The following ASXL3 variants were observed in gnomAD, a reference collection of about 807,000 sequenced individuals.
ASXL3 encodes putative Polycomb group protein ASXL3.
ASXL3 carries 34 observed loss-of-function variants against 170.6 expected under a neutral mutation model. That is an observed-to-expected ratio of 0.20 (90% confidence interval 0.15 to 0.27). ASXL3 has a LOEUF of 0.27. Among genes scored for constraint, ASXL3 ranks in the 10% least tolerant of loss-of-function variants. The pLI is 1.00. For synonymous variants in ASXL3, 1,002 were observed against 989.1 expected (o/e 1.01, Z -0.24); for missense variants, 2,592 against 2,695.3 (o/e 0.96, Z 0.85).
chr18:33,645,078 A>G, intron 3 of ASXL3, 76 bp downstream of exon 3: 2 of 931,230 alleles, frequency 2.1e-6, no homozygotes, highest in Non-Finnish European at 3.2e-6. Context: ...AAACAAAATT[A>G]GATTTGAAGA....
chr18:33,681,908 A>C (rs556116917), intron 7 of ASXL3, among the ~76,000 whole-genome samples: 2 of 152,238 alleles, frequency 1.3e-5, no homozygotes, highest in East Asian at 3.9e-4. Flanking sequence ...TTAATTACTC[A>C]ATAATTTTTC....
At chr18:33,588,804 G>A (rs2065054629) in intron 1 of ASXL3, among the ~76,000 whole-genome samples, 1 of 151,982 alleles carries the variant, frequency 6.6e-6, no homozygotes, top group South Asian at 2.1e-4. Flanking sequence ...CATTAAAGCT[G>A]AATGCCTTAT....
chr18:33,676,978 G>A (rs1417184163), intron 7 of ASXL3, among the ~76,000 whole-genome samples: 1 of 152,146 alleles, frequency 6.6e-6, no homozygotes, highest in Non-Finnish European at 1.5e-5. Flanking sequence ...TAACTAAAAT[G>A]TAAGTTCCTT....
chr18:33,743,596 A>G lies in ASXL3; in HGVS notation c.3748A>G (p.Lys1250Glu), dbSNP rs752654420. ...CAGCACTGCTATATCGGGAGCAATTAAAGAACATCCCTTTGTGAGTTCTGT... is the reference window on the plus strand; with the variant it reads ...CAGCACTGCTATATCGGGAGCAATTGAAGAACATCCCTTTGTGAGTTCTGT... Reference protein sequence around the residue: ...VCSTAISGAIKEHPFVSSVDK... With the variant: ...VCSTAISGAIEEHPFVSSVDK... The change falls in exon 12 of 12, where the codon AAA becomes GAA. Residue 1250 changes from lysine (K) to glutamate (E), a missense_variant. By Grantham distance (56) the Lys-to-Glu change is moderately conservative (BLOSUM62 1). This residue lies in a region of ASXL3 where 2,246 missense variants were observed against 2,219.6 expected (regional missense o/e 1.01). Coordinates refer to ENST00000269197, the MANE Select transcript of ASXL3 (RefSeq NM_030632.3). 6.2e-7 allele frequency: 1 copy of G among 1,613,326 alleles called. No homozygotes were observed. The highest frequency in any genetic ancestry group is 1.7e-5 in the Admixed American group (1 of 60,024).
At chr18:33,715,771 C>T (rs1157929592) in intron 8 of ASXL3, among the ~76,000 whole-genome samples, 1 of 151,856 alleles carries the variant, frequency 6.6e-6, no homozygotes, top group African/African-American at 2.4e-5. Context: ...TGAGGGGGTA[C>T]ATATCAAAAA....
chr18:33,668,079 A>C (rs1484857357), intron 5 of ASXL3, among the ~76,000 whole-genome samples: 1 of 152,134 alleles, frequency 6.6e-6, no homozygotes, highest in Admixed American at 6.5e-5. Flanking sequence ...CCCAGCAGCT[A>C]GTTAGTTAAA....
chr18:33,683,367 C>T lies in ASXL3; in HGVS notation c.716-38C>T, dbSNP rs752500611. 80 of 1,574,378 alleles carry T rather than the reference C, an allele frequency of 5.1e-5. No homozygotes were observed. In the Admixed American group the frequency reaches 1.4e-3, roughly 28 times the overall value. ...GTACGTACGTACACGTTTCCCTCTA[C>T]CTGTAGTAAATTCATGCCTCTTGCT... On this transcript the variant is annotated intron_variant, in intron 7 of 11. Coordinates refer to ENST00000269197, the MANE Select transcript of ASXL3 (RefSeq NM_030632.3).
chr18:33,592,681 C>T (rs1177406178), intron 1 of ASXL3, among the ~76,000 whole-genome samples: 5 of 152,130 alleles, frequency 3.3e-5, no homozygotes, highest in Non-Finnish European at 7.4e-5. Flanking sequence ...CTGACAGAGT[C>T]AATCTTTATA....
chr18:33,747,361 C>CA lies in ASXL3; in HGVS notation c.*767dup, dbSNP rs2067813111. On this transcript the variant is annotated 3_prime_UTR_variant, in exon 12 of 12. Coordinates refer to ENST00000269197, the MANE Select transcript of ASXL3 (RefSeq NM_030632.3). ...TGAGAGCAATTGGCCAGCCAATAGC[C>CA]ATAAGCCCAGAGGATTTTAGAGCTT... The CA allele has an allele frequency of 6.9e-6, 1 of 145,590 alleles. No individual in the cohort carries two copies. The highest frequency in any genetic ancestry group is 1.5e-5 in the Non-Finnish European group (1 of 67,000). The allele number at this position is 145,590 out of a possible 1,614,324, so 9.0% of individuals were successfully genotyped here.
chr18:33,635,088 A>G (rs2065744708), intron 2 of ASXL3, among the ~76,000 whole-genome samples: 1 of 152,188 alleles, frequency 6.6e-6, no homozygotes, highest in African/African-American at 2.4e-5. Flanking sequence ...AGAGAGAAAC[A>G]TGCTGAGAGG....
chr18:33,670,308 A>G (rs940764445), intron 5 of ASXL3, among the ~76,000 whole-genome samples: 1 of 152,228 alleles, frequency 6.6e-6, no homozygotes, highest in Non-Finnish European at 1.5e-5. Flanking sequence ...GCAGACACAT[A>G]TATTTTTATC....
intron 2 of ASXL3, among the ~76,000 whole-genome samples, chr18:33,633,628 G>C (rs1204237697): frequency 6.6e-6 from 1 of 152,064 alleles, no homozygotes; most frequent in Non-Finnish European, 1.5e-5. Context: ...TGGATCATGA[G>C]GTCGGGAGAT....
chr18:33,597,395 T>C (rs1386695178), intron 1 of ASXL3, among the ~76,000 whole-genome samples: 2 of 152,166 alleles, frequency 1.3e-5, no homozygotes, highest in African/African-American at 4.8e-5. Context: ...TATTTTCTTA[T>C]TTCTTACCTT....
chr18:33,680,724 T>G (rs1599486292), intron 7 of ASXL3, among the ~76,000 whole-genome samples: 1 of 152,000 alleles, frequency 6.6e-6, no homozygotes, highest in Non-Finnish European at 1.5e-5. Context: ...TAATAATATA[T>G]TTTTTTACCT....
chr18:33,660,941 C>T (rs148235853), intron 4 of ASXL3, among the ~76,000 whole-genome samples: 14 of 152,234 alleles, frequency 9.2e-5, no homozygotes, highest in Non-Finnish European at 1.8e-4. Context: ...TCCTAAAAAG[C>T]GGTCTTTTGG....
chr18:33,644,958 A>G lies in ASXL3; in HGVS notation c.202A>G (p.Thr68Ala), dbSNP rs760330440. ...LHTNTRIGDG[T>A]FFKIPGKSGL... Reference sequence around the variant, plus strand: ...CACTAACACTCGAATAGGGGATGGAACATTCTTCAAAATCCCTGGAAAGTC... The same window carrying G: ...CACTAACACTCGAATAGGGGATGGAGCATTCTTCAAAATCCCTGGAAAGTC... The change falls in exon 3 of 12, where the codon ACA (threonine) becomes GCA (alanine). Residue 68 changes from threonine (T) to alanine (A), a missense_variant. Physicochemically the swap from Thr to Ala is moderately conservative, Grantham distance 58. Around this residue, in one of 4 missense-constraint regions of ASXL3, gnomAD observed 251 missense variants for 281.9 expected, o/e 0.89. Transcript: ENST00000269197. 6.3e-7 allele frequency: 1 copy of G among 1,580,668 alleles called. No homozygotes were observed.
At chr18:33,703,550 T>C (rs1189839463) in intron 8 of ASXL3, among the ~76,000 whole-genome samples, 1 of 152,158 alleles carries the variant, frequency 6.6e-6, no homozygotes, top group East Asian at 1.9e-4. Context: ...ATTTAGCCTT[T>C]GGAACTCGAA....
In ASXL3 at chr18:33,745,293, G is replaced by T. The variant is rs768209486; in HGVS notation, c.5445G>T (p.Leu1815=). The T allele has an allele frequency of 6.2e-7, 1 of 1,613,910 alleles. No homozygotes were observed. The highest frequency in any genetic ancestry group is 2.2e-5 in the East Asian group (1 of 44,860). Residue 1815 remains leucine, a synonymous_variant, in exon 12 of 12, where the codon CTG becomes CTT. Coordinates refer to ENST00000269197, the MANE Select transcript of ASXL3 (RefSeq NM_030632.3). ...PDGKGYLAGT[L]APLQMRKREN... is the part of the protein sequence containing the mutation. ...GTAAGGGCTACTTGGCAGGGACTCT[G>T]GCACCACTCCAAATGAGAAAGCGAG...
chr18:33,742,559 CT>C (rs1451409590), intron 11 of ASXL3, among the ~76,000 whole-genome samples: 1 of 152,088 alleles, frequency 6.6e-6, no homozygotes, highest in East Asian at 1.9e-4. Flanking sequence ...ATCTTGAAGT[CT>C]TTCTTTTTAG....
Sources: gnomAD v4.1 joint callset for allele counts (sites outside exome capture counted in the v4.1 genomes callset) on GRCh38, gnomAD v4.1.1 for gene constraint, gnomAD v4.1.1 regional missense constraint, MANE v1.5 for transcripts, NCBI Gene and HGNC (gene_info 2026-07-23, HGNC 2026-07-21) for gene names.